FA2H: variants seen among roughly 807,000 people sequenced by gnomAD.
The protein encoded by FA2H is fatty acid alpha-hydroxylase.
A neutral mutation model predicts 44.9 loss-of-function variants in FA2H; 22 were observed. The ratio of observed to expected loss-of-function variants is 0.49; its 90% CI spans 0.35 to 0.70. FA2H has a LOEUF of 0.70. Among genes scored for constraint, FA2H ranks in the 30% least tolerant of loss-of-function variants. FA2H has a pLI of 0.01. For missense variants in FA2H, 501 were observed against 504.9 expected, an observed-to-expected ratio of 0.99 and a Z score of 0.07; for synonymous variants, 243 against 213.2, an observed-to-expected ratio of 1.14 and a Z score of -1.22.
intron 1 of FA2H, among the ~76,000 whole-genome samples, chr16:74,759,914 G>T (rs181359489): frequency 6.6e-6 from 1 of 152,112 alleles, no homozygotes; most frequent in Non-Finnish European, 1.5e-5. Flanking sequence ...CCCATGGCAA[G>T]TTTTTTTAGG....
chr16:74,731,895 C>T (rs1300377340), intron 2 of FA2H, among the ~76,000 whole-genome samples: 1 of 152,140 alleles, frequency 6.6e-6, no homozygotes, highest in Admixed American at 6.6e-5. Flanking sequence ...CTTTTTGAGA[C>T]AGGGACTTGC....
intron 4 of FA2H, among the ~76,000 whole-genome samples, chr16:74,721,872 C>T (rs1961847753): frequency 6.6e-6 from 1 of 152,242 alleles, no homozygotes; most frequent in African/African-American, 2.4e-5. Context: ...AAGAGGTGTG[C>T]ACCGGCACGC....
In FA2H at chr16:74,718,992, T is replaced by C. The variant is rs761645282; in HGVS notation, c.782A>G (p.His261Arg). ...CTGGGACCCCGCCCCGCTCACCTTG[T>C]GGTGCTGGCCGTGCATGACGAAGTG... The part of the protein sequence containing the change: ...MLHFVMHGQH[H>R]KAPFDGSRLV... Residue 261 changes from histidine to arginine, a missense_variant, in exon 5 of 7, where the codon CAC (histidine) becomes CGC (arginine). His to Arg is a conservative substitution (Grantham distance 29). Coordinates refer to ENST00000219368, the MANE Select transcript of FA2H (RefSeq NM_024306.5). The C allele has an allele frequency of 2.1e-5, 34 of 1,613,572 alleles. No individual in the cohort carries two copies. The highest frequency in any genetic ancestry group is 2.7e-5 in the Non-Finnish European group (32 of 1,180,028).
rs549282313 is a variant in FA2H at position 74,769,928 on chromosome 16, T to G, written c.270+4558A>C. ...CAGGCAGCATGTTGGCTCAAACAAG[T>G]TGGACTTGTTTTGTGAATGTGCCTT... On this transcript the variant is annotated intron_variant, in intron 1 of 6. Coordinates refer to ENST00000219368, the MANE Select transcript of FA2H (RefSeq NM_024306.5). Among the ~76,000 whole-genome samples the G allele has an allele frequency of 7.9e-5, 12 of 152,332 alleles. No homozygotes were observed. The South Asian group carries it at 1.9e-3, about 24-fold the overall frequency.
rs1567642297 is a variant in FA2H at position 74,739,984 on chromosome 16, GC to G, written c.363+38del. On this transcript the variant is annotated intron_variant, in intron 2 of 6. Coordinates refer to ENST00000219368, the MANE Select transcript of FA2H (RefSeq NM_024306.5). ...CCTCTTCCTCTCCTCATTCCCGCCA[GC>G]CCCCAGTCATCACCCCACTCCATCC... The G allele has an allele frequency of 7.5e-6, 11 of 1,462,778 alleles. No homozygotes were observed. In the Admixed American group the frequency reaches 1.3e-4, roughly 18 times the overall value. 90.6% of individuals were successfully genotyped at this position (1,462,778 alleles called of 1,614,324 possible).
intron 1 of FA2H, among the ~76,000 whole-genome samples, chr16:74,751,816 T>C (rs1597564758): frequency 1.3e-5 from 2 of 152,272 alleles, no homozygotes; most frequent in South Asian, 2.1e-4. Context: ...AAATGTTCTA[T>C]ATGTGTGCTG....
intron 1 of FA2H, among the ~76,000 whole-genome samples, chr16:74,742,673 A>G (rs1962337136): frequency 6.6e-6 from 1 of 152,098 alleles, no homozygotes; most frequent in African/African-American, 2.4e-5. Context: ...GTCTCTATCA[A>G]AGAAAAAATA....
intron 1 of FA2H, among the ~76,000 whole-genome samples, chr16:74,767,976 G>A (rs563769047): frequency 2.3e-4 from 35 of 152,298 alleles, no homozygotes; most frequent in South Asian, 1.0e-3. Flanking sequence ...GGAGGAAGGC[G>A]AAGGTCCTGG....
At chr16:74,754,199 C>A (rs1393215326) in intron 1 of FA2H, among the ~76,000 whole-genome samples, 3 of 152,168 alleles carry the variant, frequency 2.0e-5, no homozygotes, top group Admixed American at 6.5e-5. Flanking sequence ...AGTTCAAGAC[C>A]AGACTGGCCA....
At chr16:74,739,398 T>A (rs531183701) in intron 2 of FA2H, among the ~76,000 whole-genome samples, 1 of 152,058 alleles carries the variant, frequency 6.6e-6, no homozygotes, top group African/African-American at 2.4e-5. Context: ...AAGCTGCTTC[T>A]CCCCTGCCGC....
chr16:74,753,659 C>T (rs1055365294), intron 1 of FA2H, among the ~76,000 whole-genome samples: 9 of 152,006 alleles, frequency 5.9e-5, no homozygotes, highest in African/African-American at 1.9e-4. Flanking sequence ...GGTGACAGAG[C>T]GAGACTCCAG....
At chr16:74,735,122 C>T (rs1473394219) in intron 2 of FA2H, among the ~76,000 whole-genome samples, 2 of 152,220 alleles carry the variant, frequency 1.3e-5, no homozygotes, top group Non-Finnish European at 2.9e-5. Context: ...GTCAGATGTT[C>T]GGCTGCATAT....
chr16:74,768,622 A>C (rs28610177), intron 1 of FA2H, among the ~76,000 whole-genome samples: 11,403 of 152,196 alleles, frequency 0.075, 677 homozygotes, highest in East Asian at 0.32. Context: ...ATCAGTTTTT[A>C]TCAGACCGGC....
At chr16:74,725,984 C>A (rs975276700) in intron 4 of FA2H, 4 of 492,886 alleles carry the variant, frequency 8.1e-6, no homozygotes, top group Admixed American at 3.2e-5. Flanking sequence ...TATTGCTATG[C>A]CACCCGATGA....
At chr16:74,751,441 A>T (rs559707765) in intron 1 of FA2H, among the ~76,000 whole-genome samples, 1 of 152,216 alleles carries the variant, frequency 6.6e-6, no homozygotes, top group Non-Finnish European at 1.5e-5. Context: ...AGTGAGTCCT[A>T]GAATTCATGA....
intron 1 of FA2H, among the ~76,000 whole-genome samples, chr16:74,760,167 C>T (rs79232073): frequency 0.032 from 4,919 of 152,174 alleles, 132 homozygotes; most frequent in East Asian, 0.13. Context: ...CCCTGGACAC[C>T]CACTACGCTG....
At chr16:74,741,456 C>T (rs1962292914) in intron 1 of FA2H, among the ~76,000 whole-genome samples, 1 of 152,186 alleles carries the variant, frequency 6.6e-6, no homozygotes. Context: ...TCTGTATCAT[C>T]AAGCTAATAT....
chr16:74,758,207 G>A (rs911509478), intron 1 of FA2H, among the ~76,000 whole-genome samples: 1 of 142,304 alleles, frequency 7.0e-6, no homozygotes, highest in Non-Finnish European at 1.5e-5. Flanking sequence ...TGCAACCTCC[G>A]CCTCCTGGGT....
rs375747091 is a variant in FA2H, at chr16:74,728,828, G to A, written c.364-1442C>T. Among the ~76,000 whole-genome samples, 51 of 141,222 alleles carry A rather than the reference G, an allele frequency of 3.6e-4. No individual in the cohort carries two copies. In the East Asian group the frequency reaches 5.2e-3, roughly 14 times the overall value. The allele number at this position is 141,222 out of a possible 152,430, so 92.6% of individuals were successfully genotyped here. A position where few individuals can be genotyped will look rare whatever the true frequency, so the allele number is the denominator to read the frequency against. ...AGACAGAGTCTCGTTCTGTCGCCAG[G>A]CTGGAGTGCAGTGGCATGATCTCAG... On this transcript the variant is annotated intron_variant, in intron 2 of 6. Coordinates refer to ENST00000219368, the MANE Select transcript of FA2H (RefSeq NM_024306.5).
Sources: gnomAD v4.1 joint callset for allele counts (sites outside exome capture counted in the v4.1 genomes callset) on GRCh38, gnomAD v4.1.1 for gene constraint, MANE v1.5 for transcripts, NCBI Gene and HGNC (gene_info 2026-07-23, HGNC 2026-07-21) for gene names.